ABCG2: variants seen among roughly 807,000 people sequenced by gnomAD.
The protein encoded by ABCG2 is ATP binding cassette subfamily G member 2 (JR blood group), also known as broad substrate specificity ATP-binding cassette transporter ABCG2.
A neutral mutation model predicts 73.5 loss-of-function variants in ABCG2; 80 were observed. The observed-to-expected ratio is 1.09, with a 90% CI of 0.91 to 1.31. ABCG2 has a LOEUF of 1.31. Among genes scored for constraint, ABCG2 ranks in the 50% most tolerant of loss-of-function variants. The probability of loss-of-function intolerance (pLI) is 0.00; values close to 1 mark genes in which losing one functional copy is unlikely to be tolerated. For synonymous variants in ABCG2, 269 were observed against 282.4 expected, an observed-to-expected ratio of 0.95 and a Z score of 0.48; for missense variants, 796 against 786.2, an observed-to-expected ratio of 1.01 and a Z score of -0.15.
At chr4:88,116,084 A>G (rs1263528421) in intron 7 of ABCG2, among the ~76,000 whole-genome samples, 2 of 152,168 alleles carry the variant, frequency 1.3e-5, no homozygotes, top group Non-Finnish European at 2.9e-5. Context: ...AATCCCAGCT[A>G]CTAAGGAGGC....
chr4:88,104,974 T>C (rs1454658101), intron 10 of ABCG2, among the ~76,000 whole-genome samples: 1 of 152,182 alleles, frequency 6.6e-6, no homozygotes, highest in Non-Finnish European at 1.5e-5. Context: ...TGCTTCCTGC[T>C]GCACAATATA....
At position 88,130,674 on chromosome 4, in the gene ABCG2, G is replaced by A. The variant is rs150301541; in HGVS notation, c.531+387C>T. The stretch of plus-strand genomic sequence containing the variant: ...TCAATCCCAGAAATATACCTCAATA[G>A]CAATGGAACAAAGTCCCTTGGAGGA... On this transcript the variant is annotated intron_variant, in intron 5 of 15. Transcript: ENST00000237612. Among the ~76,000 whole-genome samples, 151 of 152,080 alleles carry A rather than the reference G, an allele frequency of 9.9e-4. 1 individual carries two copies. Among genetic ancestry groups the A allele is most frequent in the African/African-American group, 3.5e-3 (145 of 41,478 alleles).
upstream of ABCG2, among the ~76,000 whole-genome samples, chr4:88,162,139 G>A (rs1303329839): frequency 6.6e-6 from 1 of 151,978 alleles, no homozygotes; most frequent in Non-Finnish European, 1.5e-5. Flanking sequence ...TTGAGCCCCG[G>A]GGTTCAAGGC....
intron 1 of ABCG2, among the ~76,000 whole-genome samples, chr4:88,179,673 A>G (rs1395331957): frequency 6.6e-6 from 1 of 152,240 alleles, no homozygotes; most frequent in Non-Finnish European, 1.5e-5. Flanking sequence ...TAACACAAAG[A>G]AGGAATTTAC....
chr4:88,146,945 G>A (rs1402748630), intron 1 of ABCG2, among the ~76,000 whole-genome samples: 1 of 138,352 alleles, frequency 7.2e-6, no homozygotes, highest in Non-Finnish European at 1.5e-5. Context: ...AAGGGAGGGA[G>A]GAAGGGAGGG....
In ABCG2 at chr4:88,117,994, T is replaced by C. The variant is rs953466944; in HGVS notation, c.841+115A>G. On this transcript the variant is annotated intron_variant, in intron 7 of 15. Transcript: ENST00000237612. ...ATGGAACAAACACATTTTGAAGTGA[T>C]AGATTCTCATGGTATGTCTACCCAA... 5.9e-6 allele frequency: 6 copies of C among 1,009,062 alleles called. No individual in the cohort carries two copies. In the African/African-American group the frequency reaches 8.3e-5, roughly 14 times the overall value. The allele number at this position is 1,009,062 out of a possible 1,614,324, so 62.5% of individuals were successfully genotyped here. A position where few individuals can be genotyped will look rare whatever the true frequency, so the allele number is the denominator to read the frequency against.
chr4:88,203,754 C>CA (rs34988728), intron 1 of ABCG2, among the ~76,000 whole-genome samples: 3 of 131,754 alleles, frequency 2.3e-5, no homozygotes, highest in Admixed American at 7.5e-5. Flanking sequence ...AACTCAGTTT[C>CA]AAAAAAAAAA....
chr4:88,178,859 G>A (rs1728114484), intron 1 of ABCG2, among the ~76,000 whole-genome samples: 1 of 152,126 alleles, frequency 6.6e-6, no homozygotes, highest in Admixed American at 6.5e-5. Flanking sequence ...TATTGCTTGG[G>A]CTCCAGCACA....
intron 1 of ABCG2, among the ~76,000 whole-genome samples, chr4:88,194,865 T>C (rs1322189401): frequency 6.6e-6 from 1 of 152,038 alleles, no homozygotes; most frequent in Non-Finnish European, 1.5e-5. Context: ...GGGAGCCCGA[T>C]GGTGTAAGGC....
In ABCG2 at chr4:88,153,515, G is replaced by C. The variant is rs181902662; in HGVS notation, c.-20+4871C>G. On this transcript the variant is annotated intron_variant, in intron 1 of 15. Transcript: ENST00000237612. ...TGTGTTTTTAAAAGACCAGTAGTCCGTTCTACCTTTCCTGAAGATTGAGGA... is the reference window on the plus strand; with the variant it reads ...TGTGTTTTTAAAAGACCAGTAGTCCCTTCTACCTTTCCTGAAGATTGAGGA... 1.5e-5 allele frequency among the ~76,000 whole-genome samples: 2 copies of C among 133,172 alleles called. 1 individual carries two copies. The highest frequency in any genetic ancestry group is 5.2e-4 in the East Asian group (2 of 3,828). The allele number at this position is 133,172 out of a possible 152,430, so 87.4% of individuals were successfully genotyped here.
At chr4:88,218,395 C>T (rs1001518544) in intron 1 of ABCG2, among the ~76,000 whole-genome samples, 1 of 152,202 alleles carries the variant, frequency 6.6e-6, no homozygotes, top group African/African-American at 2.4e-5. Flanking sequence ...TAGTGACTAA[C>T]GCAGTGCTGG....
chr4:88,131,711 A>G, intron 4 of ABCG2, 92 bp downstream of exon 4: 2 of 873,186 alleles, frequency 2.3e-6, no homozygotes, highest in Non-Finnish European at 3.7e-6. Flanking sequence ...ACCATGTCAC[A>G]TAATCAACTG....
intron 10 of ABCG2, among the ~76,000 whole-genome samples, chr4:88,105,113 A>G (rs1223147777): frequency 6.6e-6 from 1 of 152,258 alleles, no homozygotes; most frequent in Non-Finnish European, 1.5e-5. Context: ...CCTCAGGGAA[A>G]GTAAAAACAA....
intron 1 of ABCG2, among the ~76,000 whole-genome samples, chr4:88,205,001 A>G (rs1729322997): frequency 6.6e-6 from 1 of 152,240 alleles, no homozygotes; most frequent in Non-Finnish European, 1.5e-5. Context: ...GACTGTCTTG[A>G]ACAACTTGCT....
chr4:88,224,197 C>A (rs1024975663), intron 1 of ABCG2, among the ~76,000 whole-genome samples: 1 of 152,128 alleles, frequency 6.6e-6, no homozygotes, highest in Non-Finnish European at 1.5e-5. Context: ...CGCCTGTAAT[C>A]CTAGCACTTT....
At chr4:88,107,617 GT>G (rs1293652087) in intron 9 of ABCG2, among the ~76,000 whole-genome samples, 10 of 152,206 alleles carry the variant, frequency 6.6e-5, no homozygotes, top group Non-Finnish European at 1.0e-4. Context: ...AGCAATGCAA[GT>G]ATGTAGCAAA....
At chr4:88,223,528 TC>T (rs1183790280) in intron 1 of ABCG2, 1 of 152,152 alleles carries the variant, frequency 6.6e-6, no homozygotes, top group African/African-American at 2.4e-5. Context: ...TGTGTTTGCT[TC>T]CCCTTCTGCC....
chr4:88,202,350 T>TTTTATATATATATA (rs1553945696), intron 1 of ABCG2, among the ~76,000 whole-genome samples: 5 of 35,392 alleles, frequency 1.4e-4, no homozygotes, highest in African/African-American at 7.6e-4. Context: ...ATCTCTACAA[T>TTTTATATATATATA]TATTTATATA....
At chr4:88,128,865 A>G (rs1215683002) in intron 5 of ABCG2, among the ~76,000 whole-genome samples, 1 of 152,150 alleles carries the variant, frequency 6.6e-6, no homozygotes, top group Non-Finnish European at 1.5e-5. Flanking sequence ...GCACATGTAT[A>G]CTATGTAACA....
Sources: allele counts gnomAD v4.1 joint callset (sites outside exome capture counted in the v4.1 genomes callset), GRCh38; gene constraint gnomAD v4.1.1; transcripts MANE v1.5; gene names NCBI Gene and HGNC (gene_info 2026-07-23, HGNC 2026-07-21).